The following RMI1 variants were observed in gnomAD, a reference collection of about 807,000 sequenced individuals.
RMI1 encodes the protein recQ-mediated genome instability protein 1.
Under a neutral mutation model 46.7 loss-of-function variants are expected in RMI1, and 36 were observed. The ratio of observed to expected loss-of-function variants is 0.77; its 90% confidence interval spans 0.59 to 1.02. The LOEUF (loss-of-function observed/expected upper bound fraction) is 1.02, where lower values mean the gene tolerates loss of function less well. Ranked by LOEUF, RMI1 falls within the 50% of genes least tolerant of loss-of-function variation. The probability of loss-of-function intolerance (pLI) is 0.00; values close to 1 mark genes in which losing one functional copy is unlikely to be tolerated. For synonymous variants in RMI1, 250 were observed against 252.9 expected (o/e 0.99, Z 0.11); for missense variants, 676 against 713.7 (o/e 0.95, Z 0.60).
At chr9:83,987,052 C>T (rs1342000868) in intron 1 of RMI1, among the ~76,000 whole-genome samples, 1 of 151,954 alleles carries the variant, frequency 6.6e-6, no homozygotes, top group Non-Finnish European at 1.5e-5. Context: ...GGGTTCCTTC[C>T]CTCCCCTCCC....
rs1354402100 is a variant in RMI1, at chr9:84,002,636, T to TA, written c.1651dup (p.Thr551AsnfsTer2). 1 of 1,613,948 alleles carries TA rather than the reference T, an allele frequency of 6.2e-7. No homozygotes were observed. Reference sequence around the variant, plus strand: ...ATGTAGACTTTGTGGATGAAATACTTACTAGCTTGATAGGGTTCTCAGTAC... The same window carrying TA: ...ATGTAGACTTTGTGGATGAAATACTTAACTAGCTTGATAGGGTTCTCAGTAC... On this transcript the variant is annotated frameshift_variant, in exon 3 of 3. Coordinates refer to ENST00000445877, the MANE Select transcript of RMI1 (RefSeq NM_001358291.2). LOFTEE classifies it high-confidence loss of function.
chr9:84,000,223 A>G (rs1458981958), intron 2 of RMI1, among the ~76,000 whole-genome samples: 2 of 152,240 alleles, frequency 1.3e-5, no homozygotes. Context: ...ATAATATATT[A>G]TACAGTAGTC....
chr9:83,980,991 C>G (rs753767157), intron 1 of RMI1, 100 bp downstream of exon 1: 2 of 152,432 alleles, frequency 1.3e-5, no homozygotes, highest in African/African-American at 2.4e-5. Flanking sequence ...GGCTGTGGGA[C>G]GAGCTGCGGC....
chr9:83,987,305 G>C (rs1171348485), intron 1 of RMI1, among the ~76,000 whole-genome samples: 1 of 152,104 alleles, frequency 6.6e-6, no homozygotes, highest in Non-Finnish European at 1.5e-5. Context: ...CACCCGCCTC[G>C]GCCTCCCAAA....
At chr9:83,983,100 A>G (rs183728451) in intron 1 of RMI1, among the ~76,000 whole-genome samples, 233 of 152,316 alleles carry the variant, frequency 1.5e-3, no homozygotes, top group South Asian at 5.4e-3. Context: ...ATCCAGCTGC[A>G]TTATTGTTTA....
chr9:83,988,250 G>C (rs1957520900), intron 1 of RMI1, among the ~76,000 whole-genome samples: 1 of 152,160 alleles, frequency 6.6e-6, no homozygotes. Context: ...CAGTTGCATT[G>C]CTGGGTTGTA....
At position 84,001,737 on chromosome 9, in the gene RMI1, C is replaced by T; in HGVS notation, c.751C>T (p.Leu251Phe). 3 of 1,613,964 alleles carry T rather than the reference C, an allele frequency of 1.9e-6. No homozygotes were observed. The highest frequency in any genetic ancestry group is 2.5e-6 in the Non-Finnish European group (3 of 1,179,978). The change falls in exon 3 of 3, where the codon CTT becomes TTT. Residue 251 changes from leucine to phenylalanine, a missense_variant. Coordinates refer to ENST00000445877, the MANE Select transcript of RMI1 (RefSeq NM_001358291.2). ...TTCTGATGAAGAACTCTTGGCAAGTCTTGATGAAAATGATGAGCTTACAGC... is the reference window on the plus strand; with the variant it reads ...TTCTGATGAAGAACTCTTGGCAAGTTTTGATGAAAATGATGAGCTTACAGC... ...GPSDEELLAS[L>F]DENDELTANN...
In RMI1 at chr9:84,001,368, G is replaced by T; in HGVS notation, c.382G>T (p.Glu128Ter). 1 of 1,614,112 alleles carries T rather than the reference G, an allele frequency of 6.2e-7. No individual in the cohort carries two copies. The highest frequency in any genetic ancestry group is 8.5e-7 in the Non-Finnish European group (1 of 1,179,990). ...AGCACAAGTAACCCCAAAACCTTGG[G>T]AAGCAAAGCCTTCACGAATGTTGAT... ...AEAQVTPKPWEAKPSRMLMLQ... is the reference protein window; with the variant it reads ...AEAQVTPKPW Residue 128 changes from glutamate (E) to a stop codon, truncating the protein, a stop_gained, in exon 3 of 3, where the codon GAA (glutamate) becomes TAA (stop). Coordinates refer to ENST00000445877, the MANE Select transcript of RMI1 (RefSeq NM_001358291.2). LOFTEE classifies it high-confidence loss of function.
chr9:83,982,507 C>CAA (rs755819418), intron 1 of RMI1, among the ~76,000 whole-genome samples: 1 of 143,462 alleles, frequency 7.0e-6, no homozygotes, highest in Admixed American at 7.0e-5. Context: ...ACTAAAAAGA[C>CAA]AAAAAAAAAA....
intron 1 of RMI1, among the ~76,000 whole-genome samples, chr9:83,997,582 C>A (rs1357672818): frequency 1.3e-5 from 2 of 151,936 alleles, no homozygotes; most frequent in African/African-American, 4.8e-5. Flanking sequence ...GGAAAACTGG[C>A]ATAGGGGCTT....
Position 84,002,193 on chromosome 9 carries a change from TC to T in RMI1, c.1208del (p.Ser403Ter). 6.2e-7 allele frequency: 1 copy of T among 1,613,700 alleles called. No individual in the cohort carries two copies. The highest frequency in any genetic ancestry group is 8.5e-7 in the Non-Finnish European group (1 of 1,179,826). On this transcript the variant is annotated frameshift_variant, in exon 3 of 3. Transcript: ENST00000445877. LOFTEE classifies it high-confidence loss of function. ...SVRDQNRSIF[S>X]VHCNVPLAHD... ...TAGAGACCAAAACAGGAGTATTTTT[TC>T]AGTTCATTGTAATGTACCCTTAGCC...
At position 83,989,676 on chromosome 9, in the gene RMI1, AAAT is replaced by A. The variant is rs778059267; in HGVS notation, c.-126+8788_-126+8790del. 8.7e-3 allele frequency among the ~76,000 whole-genome samples: 1,072 copies of A among 123,740 alleles called. 7 individuals are homozygous for A. The highest frequency in any genetic ancestry group is 0.031 in the African/African-American group (948 of 30,140). 81.2% of individuals were successfully genotyped at this position (123,740 alleles called of 152,430 possible). A position where few individuals can be genotyped will look rare whatever the true frequency, so the allele number is the denominator to read the frequency against. On this transcript the variant is annotated intron_variant, in intron 1 of 2. Coordinates refer to ENST00000445877, the MANE Select transcript of RMI1 (RefSeq NM_001358291.2). The stretch of plus-strand genomic sequence containing the variant: ...ATGGCTATCAAAAAGACAAAAAAAA[AAAT>A]AAAATAAAATAAAAAAGATTCTTGT...
intron 1 of RMI1, among the ~76,000 whole-genome samples, chr9:83,982,363 C>G (rs181224468): frequency 6.6e-6 from 1 of 152,218 alleles, no homozygotes; most frequent in Non-Finnish European, 1.5e-5. Context: ...GTAAGCAGCC[C>G]TATATAAGAA....
intron 1 of RMI1, among the ~76,000 whole-genome samples, chr9:83,981,206 A>G (rs543314632): frequency 6.6e-6 from 1 of 152,304 alleles, no homozygotes; most frequent in East Asian, 1.9e-4. Flanking sequence ...GAGAGGGCAC[A>G]GGCGGTTTCA....
rs1957734620 is a variant in RMI1 at position 84,001,407 on chromosome 9, G to T, written c.421G>T (p.Asp141Tyr). The T allele has an allele frequency of 1.2e-6, 2 of 1,614,126 alleles. No homozygotes were observed. Among genetic ancestry groups the T allele is most frequent in the African/African-American group, 1.3e-5 (1 of 75,054 alleles). ...ACGAATGTTGATGCTGCAGCTAACT[G>T]ATGGAATCGTACAAATACAGGGAAT... is the stretch of plus-strand genomic sequence containing the variant. ...PSRMLMLQLT[D>Y]GIVQIQGMEY... The change falls in exon 3 of 3, where the codon GAT becomes TAT. Residue 141 changes from aspartate (D) to tyrosine (Y), a missense_variant. Physicochemically the swap from Asp to Tyr is radical, Grantham distance 160. Transcript: ENST00000445877.
Position 84,002,357 on chromosome 9 carries a change from A to G in RMI1, c.1371A>G (p.Gln457=), listed in dbSNP as rs759086701. 3.1e-6 allele frequency: 5 copies of G among 1,607,722 alleles called. No individual in the cohort carries two copies. The South Asian group carries it at 5.5e-5, about 18-fold the overall frequency. ...VVNYVQKRNS[Q]ISNENDCNLQ... ...ACTATGTACAGAAAAGGAATTCACA[A>G]ATTTCTAATGAAAATGATTGTAATT... is the stretch of plus-strand genomic sequence containing the variant. Residue 457 remains glutamine, a synonymous_variant, in exon 3 of 3, where the codon CAA becomes CAG. Coordinates refer to ENST00000445877, the MANE Select transcript of RMI1 (RefSeq NM_001358291.2).
intron 1 of RMI1, among the ~76,000 whole-genome samples, chr9:83,992,609 A>G (rs1371694419): frequency 6.6e-6 from 1 of 152,226 alleles, no homozygotes; most frequent in African/African-American, 2.4e-5. Context: ...CAGGTTTTTC[A>G]CTGCTCTGCA....
intron 1 of RMI1, among the ~76,000 whole-genome samples, chr9:83,986,163 A>C (rs1957487662): frequency 6.6e-6 from 1 of 152,256 alleles, no homozygotes; most frequent in Admixed American, 6.5e-5. Flanking sequence ...GGGTTATAGC[A>C]AAAGGAAAAG....
chr9:83,983,962 T>C (rs1957454485), intron 1 of RMI1, among the ~76,000 whole-genome samples: 1 of 152,190 alleles, frequency 6.6e-6, no homozygotes. Flanking sequence ...TTCATGGTGG[T>C]AGTGCTATGT....
Sources: gnomAD v4.1 joint callset for allele counts (sites outside exome capture counted in the v4.1 genomes callset) on GRCh38, gnomAD v4.1.1 for gene constraint, MANE v1.5 for transcripts, NCBI Gene and HGNC (gene_info 2026-07-23, HGNC 2026-07-21) for gene names.